Variants in RNF19A observed in about 807,000 individuals in gnomAD.
RNF19A encodes ring finger protein 19A, RBR E3 ubiquitin protein ligase, also known as E3 ubiquitin-protein ligase RNF19A.
RNF19A carries 32 observed loss-of-function variants against 75.7 expected under a neutral mutation model. That is an observed-to-expected ratio of 0.42 (90% confidence interval 0.32 to 0.57). RNF19A has a LOEUF of 0.57. RNF19A is among the 20% of genes least tolerant of loss of function. RNF19A has a pLI of 0.10. For missense variants in RNF19A, 782 were observed against 1,036.3 expected (o/e 0.75, Z 3.37); for synonymous variants, 335 against 345.2 (o/e 0.97, Z 0.33).
At position 100,258,932 on chromosome 8, in the gene RNF19A, C is replaced by T. The variant is rs906093580; in HGVS notation, c.2141G>A (p.Ser714Asn). Residue 714 changes from serine (S) to asparagine (N), a missense_variant, in exon 10 of 10, where the codon AGT (serine) becomes AAT (asparagine). Transcript: ENST00000341084. This position sits in a 1 kb window ranked among gnomAD's most constrained non-coding sequence, Gnocchi z 4.3. Reference sequence around the variant, plus strand: ...ATCTGCTACAGAAGGCATACTGTCACTGAGGGATGGAGCCTCAAATTCACT... The same window carrying T: ...ATCTGCTACAGAAGGCATACTGTCATTGAGGGATGGAGCCTCAAATTCACT... ...NSSEFEAPSL[S>N]DSMPSVADSH... 1.6e-5 allele frequency: 26 copies of T among 1,614,128 alleles called. No homozygotes were observed. The highest frequency in any genetic ancestry group is 2.2e-5 in the Non-Finnish European group (26 of 1,180,052).
intron 1 of RNF19A, among the ~76,000 whole-genome samples, chr8:100,299,960 T>C (rs1333671244): frequency 6.6e-6 from 1 of 152,136 alleles, no homozygotes; most frequent in Non-Finnish European, 1.5e-5. Flanking sequence ...AGCTAAATCA[T>C]TGTGTGTGCA....
chr8:100,288,269 TG>T lies in RNF19A; in HGVS notation c.-93-3del, dbSNP rs1269306261. On this transcript the variant is annotated splice_region_variant and splice_polypyrimidine_tract_variant and intron_variant, in intron 1 of 9. Coordinates refer to ENST00000341084, the MANE Select transcript of RNF19A (RefSeq NM_183419.4). ...CAGAAGACTGCTATCATGGATGTTC[TG>T]AAAAATAAAAAATAAAAAAATCAAG... The T allele has an allele frequency of 7.4e-7, 1 of 1,342,776 alleles. No homozygotes were observed. The highest frequency in any genetic ancestry group is 1.5e-5 in the African/African-American group (1 of 67,600). The allele number at this position is 1,342,776 out of a possible 1,614,324, so 83.2% of individuals were successfully genotyped here.
At chr8:100,319,528 CT>C (rs774604135) in intron 1 of RNF19A, among the ~76,000 whole-genome samples, 1,468 of 121,970 alleles carry the variant, frequency 0.012, 18 homozygotes, top group African/African-American at 0.039. Context: ...ATCTGGTTCA[CT>C]TTTTTTTTTT....
chr8:100,318,907 AG>A (rs1822424480), intron 1 of RNF19A, among the ~76,000 whole-genome samples: 1 of 152,230 alleles, frequency 6.6e-6, no homozygotes, highest in Admixed American at 6.5e-5. Context: ...AGATGATAAC[AG>A]TGACCCACAA....
Position 100,264,266 on chromosome 8 carries a change from A to G in RNF19A, c.1307-71T>C. ...AACTCACAGAAACATGAGTTTTAGA[A>G]AGTCTTTTCAAGAGAGTCATACAGA... On this transcript the variant is annotated intron_variant, in intron 6 of 9. Transcript: ENST00000341084. This position sits in a 1 kb window ranked among gnomAD's most constrained non-coding sequence, Gnocchi z 4.7. 1 of 1,327,410 alleles carries G rather than the reference A, an allele frequency of 7.5e-7. No homozygotes were observed. Among genetic ancestry groups the G allele is most frequent in the South Asian group, 1.4e-5 (1 of 72,552 alleles). 82.2% of individuals were successfully genotyped at this position (1,327,410 alleles called of 1,614,324 possible). A position where few individuals can be genotyped will look rare whatever the true frequency, so the allele number is the denominator to read the frequency against.
chr8:100,307,803 A>G (rs1324944661), intron 1 of RNF19A, among the ~76,000 whole-genome samples: 1 of 152,200 alleles, frequency 6.6e-6, no homozygotes, highest in Non-Finnish European at 1.5e-5. Flanking sequence ...CTTTCCACCA[A>G]GATGCTAAGT....
At chr8:100,280,577 GA>G (rs1751255033) in intron 2 of RNF19A, among the ~76,000 whole-genome samples, 1 of 152,092 alleles carries the variant, frequency 6.6e-6, no homozygotes, top group South Asian at 2.1e-4. Context: ...AAATTCCGAA[GA>G]AAAACATGTT....
chr8:100,335,702 G>A (rs897072339), intron 1 of RNF19A, among the ~76,000 whole-genome samples: 19 of 152,074 alleles, frequency 1.2e-4, no homozygotes, highest in Non-Finnish European at 1.2e-4. Flanking sequence ...TGATTCTCTG[G>A]GGCTTTTTAT....
chr8:100,279,460 AC>A (rs1226831680), intron 2 of RNF19A, among the ~76,000 whole-genome samples: 1 of 151,650 alleles, frequency 6.6e-6, no homozygotes, highest in East Asian at 1.9e-4. Flanking sequence ...TGCAACCTCC[AC>A]CTCCCAGGTT....
In RNF19A at chr8:100,280,449, A is replaced by G. The variant is rs577334644; in HGVS notation, c.675-5288T>C. 2.2e-4 allele frequency among the ~76,000 whole-genome samples: 34 copies of G among 152,314 alleles called. No individual in the cohort carries two copies. In the South Asian group the frequency reaches 6.6e-3, roughly 30 times the overall value. On this transcript the variant is annotated intron_variant, in intron 2 of 9. Coordinates refer to ENST00000341084, the MANE Select transcript of RNF19A (RefSeq NM_183419.4). The stretch of plus-strand genomic sequence containing the variant: ...AGGAGAGTTTAGTTCACGGCATGTT[A>G]TATTTACTCAAATGTTAAAGTACCA...
At chr8:100,274,150 T>C (rs1183367478) in intron 3 of RNF19A, among the ~76,000 whole-genome samples, 1 of 152,174 alleles carries the variant, frequency 6.6e-6, no homozygotes, top group African/African-American at 2.4e-5. Flanking sequence ...AAGTAGAGAA[T>C]GTGGGATTTG....
chr8:100,292,435 G>GGGGGGGGGT (rs137938989), intron 1 of RNF19A, among the ~76,000 whole-genome samples: 1 of 145,332 alleles, frequency 6.9e-6, no homozygotes, highest in African/African-American at 2.5e-5. Flanking sequence ...CTATCATATG[G>GGGGGGGGGT]GTGTGTGTGT....
At chr8:100,265,751 T>C (rs968938988) in intron 5 of RNF19A, among the ~76,000 whole-genome samples, 9 of 152,098 alleles carry the variant, frequency 5.9e-5, no homozygotes, top group African/African-American at 1.2e-4. Context: ...AGTAGAAAGG[T>C]TGGGGTGGGA....
intron 1 of RNF19A, among the ~76,000 whole-genome samples, chr8:100,293,150 G>A (rs1821388210): frequency 6.6e-6 from 1 of 152,212 alleles, no homozygotes; most frequent in Admixed American, 6.5e-5. Flanking sequence ...CTCGCCTCCT[G>A]CTGCGTGGCC....
Position 100,264,114 on chromosome 8 carries a change from G to A in RNF19A, c.1388C>T (p.Ser463Leu). The A allele has an allele frequency of 1.2e-6, 2 of 1,613,686 alleles. No homozygotes were observed. The highest frequency in any genetic ancestry group is 2.2e-5 in the South Asian group (2 of 91,048). The change falls in exon 7 of 10, where the codon TCA (serine) becomes TTA (leucine). Residue 463 changes from serine to leucine, a missense_variant. By Grantham distance (145) the Ser-to-Leu change is moderately radical. This residue lies in a region of RNF19A where 442 missense variants were observed against 541.6 expected (regional missense o/e 0.82). Transcript: ENST00000341084. The surrounding 1 kb of genome is among the most constrained non-coding windows in gnomAD (Gnocchi z 4.7). ...CCTAACTCCTTTTCCATTGCCTGCT[G>A]AGACTCCACAACCTCCGCTTCGACA... ...SLCRSGGCGV[S>L]AGNGKGVRIE...
intron 2 of RNF19A, among the ~76,000 whole-genome samples, chr8:100,280,739 A>G (rs1443607799): frequency 6.6e-6 from 1 of 152,208 alleles, no homozygotes; most frequent in East Asian, 1.9e-4. Context: ...AATCCTAACC[A>G]TAACAGTATT....
chr8:100,324,857 CCTTTCTCT>C lies in RNF19A; in HGVS notation c.-243+11243_-243+11250del, dbSNP rs1342868908. On this transcript the variant is annotated intron_variant, in intron 1 of 3. Transcript: ENST00000519527. This position sits in a 1 kb window ranked among gnomAD's most constrained non-coding sequence, Gnocchi z 4.2. The stretch of plus-strand genomic sequence containing the variant: ...CTTCTTCCTCCCTCCCTCCCTCCTT[CCTTTCTCT>C]CTTTCTCTTTTTTTTCTTTCTTTCT... Among the ~76,000 whole-genome samples, 3 of 150,590 alleles carry C rather than the reference CCTTTCTCT, an allele frequency of 2.0e-5. No individual in the cohort carries two copies. The highest frequency in any genetic ancestry group is 7.4e-5 in the African/African-American group (3 of 40,724).
rs977248223 is a variant in RNF19A at position 100,329,839 on chromosome 8, C to T, written c.-243+6269G>A. On this transcript the variant is annotated intron_variant, in intron 1 of 3. Coordinates refer to the RNF19A transcript ENST00000519527. This position sits in a 1 kb window ranked among gnomAD's most constrained non-coding sequence, Gnocchi z 4.3. ...AGATTTCAGCTCAATGAAAAGCAGA[C>T]ATTTTAAAGAATCAGACCCACATGA... Among the ~76,000 whole-genome samples, 2 of 152,166 alleles carry T rather than the reference C, an allele frequency of 1.3e-5. No homozygotes were observed. Among genetic ancestry groups the T allele is most frequent in the Non-Finnish European group, 2.9e-5 (2 of 68,018 alleles).
Position 100,259,720 on chromosome 8 carries a change from G to T in RNF19A, c.1826+134C>A. 2 of 764,866 alleles carry T rather than the reference G, an allele frequency of 2.6e-6. No individual in the cohort carries two copies. Among genetic ancestry groups the T allele is most frequent in the Non-Finnish European group, 4.1e-6 (2 of 482,106 alleles). 47.4% of individuals were successfully genotyped at this position (764,866 alleles called of 1,614,324 possible). On this transcript the variant is annotated intron_variant, in intron 9 of 9. Coordinates refer to ENST00000341084, the MANE Select transcript of RNF19A (RefSeq NM_183419.4). The surrounding 1 kb of genome is among the most constrained non-coding windows in gnomAD (Gnocchi z 4.5). ...TGATCTATACAGATTTGCCTACTCT[G>T]GACAGCTCACTGTTTCCTTTTCTCA...
Sources: gnomAD v4.1 joint callset for allele counts (sites outside exome capture counted in the v4.1 genomes callset) on GRCh38, gnomAD v4.1.1 for gene constraint, gnomAD v4.1.1 regional missense constraint, Gnocchi (gnomAD v3.1) non-coding constraint, MANE v1.5 for transcripts, NCBI Gene and HGNC (gene_info 2026-07-23, HGNC 2026-07-21) for gene names.